The following MYO5B variants were observed in gnomAD, a reference collection of about 807,000 sequenced individuals.
The protein encoded by MYO5B is myosin VB.
Under a neutral mutation model 229.3 loss-of-function variants are expected in MYO5B, and 143 were observed. The ratio of observed to expected loss-of-function variants is 0.62; its 90% CI spans 0.54 to 0.72. MYO5B has a LOEUF of 0.72. Among genes scored for constraint, MYO5B ranks in the 30% least tolerant of loss-of-function variants. MYO5B has a pLI of 0.00. For missense variants in MYO5B, 2,321 were observed against 2,331.0 expected (o/e 1.00, Z 0.09); for synonymous variants, 918 against 885.2 (o/e 1.04, Z -0.66).
chr18:50,174,619 G>C (rs1369989594), intron 1 of MYO5B, among the ~76,000 whole-genome samples: 1 of 152,204 alleles, frequency 6.6e-6, no homozygotes, highest in African/African-American at 2.4e-5. Context: ...CTGCTGTTAA[G>C]AAGAGACTCC....
At chr18:50,124,385 T>C (rs987370567) in intron 1 of MYO5B, among the ~76,000 whole-genome samples, 1 of 152,220 alleles carries the variant, frequency 6.6e-6, no homozygotes, top group Non-Finnish European at 1.5e-5. Flanking sequence ...GTACACCTTT[T>C]CCCATGCACA....
intron 26 of MYO5B, among the ~76,000 whole-genome samples, chr18:49,872,451 A>T (rs1443485519): frequency 6.7e-6 from 1 of 150,124 alleles, no homozygotes; most frequent in Non-Finnish European, 1.5e-5. Flanking sequence ...CCCCACCCCC[A>T]CTTTCACTCA....
chr18:50,017,769 C>T (rs1447971711), intron 4 of MYO5B, among the ~76,000 whole-genome samples: 3 of 152,342 alleles, frequency 2.0e-5, no homozygotes, highest in East Asian at 1.9e-4. Flanking sequence ...TGAGACACAG[C>T]ATACTGTTCA....
At chr18:50,050,698 A>T (rs2666928) in intron 2 of MYO5B, among the ~76,000 whole-genome samples, 148,902 of 152,266 alleles carry the variant, frequency 0.98, 72,902 homozygotes, top group East Asian at 1. Flanking sequence ...TTGTCCTGTG[A>T]TTCTGAAATA....
intron 17 of MYO5B, among the ~76,000 whole-genome samples, chr18:49,916,506 G>T (rs566874613): frequency 6.6e-6 from 1 of 152,338 alleles, no homozygotes; most frequent in African/African-American, 2.4e-5. Flanking sequence ...GAGCTCCAAA[G>T]CTTCCAAAGA....
chr18:50,003,136 C>A (rs2026065938), intron 4 of MYO5B, among the ~76,000 whole-genome samples: 1 of 152,184 alleles, frequency 6.6e-6, no homozygotes, highest in South Asian at 2.1e-4. Flanking sequence ...ATGAAAAAAT[C>A]CTTCACTATG....
intron 1 of MYO5B, among the ~76,000 whole-genome samples, chr18:50,191,721 A>C (rs2144364861): frequency 6.6e-6 from 1 of 152,342 alleles, no homozygotes; most frequent in Middle Eastern, 3.4e-3. Context: ...CATATCATGG[A>C]AAAAAATTCA....
chr18:49,955,692 C>G (rs1252159421), intron 12 of MYO5B, among the ~76,000 whole-genome samples: 1 of 152,166 alleles, frequency 6.6e-6, no homozygotes, highest in African/African-American at 2.4e-5. Flanking sequence ...ATAGGAAATT[C>G]AAGAAAAGAA....
intron 1 of MYO5B, among the ~76,000 whole-genome samples, chr18:50,159,069 G>C (rs183569864): frequency 1.7e-3 from 261 of 152,218 alleles, no homozygotes; most frequent in Middle Eastern, 0.01. Context: ...GTTTAAACTC[G>C]TTATCCTGGG....
chr18:50,128,189 C>A (rs1568117692), intron 1 of MYO5B, among the ~76,000 whole-genome samples: 3 of 152,096 alleles, frequency 2.0e-5, no homozygotes, highest in Non-Finnish European at 2.9e-5. Context: ...TCCTAATACA[C>A]TACTATTGGT....
At chr18:49,931,876 A>C (rs765341025) in intron 16 of MYO5B, among the ~76,000 whole-genome samples, 1 of 152,108 alleles carries the variant, frequency 6.6e-6, no homozygotes, top group African/African-American at 2.4e-5. Flanking sequence ...CCACCTCCCC[A>C]GGCACTCTGC....
intron 4 of MYO5B, among the ~76,000 whole-genome samples, chr18:50,032,386 C>G (rs1343681779): frequency 2.6e-5 from 4 of 152,182 alleles, no homozygotes; most frequent in Non-Finnish European, 5.9e-5. Flanking sequence ...CAACCTCCAG[C>G]CCTAGGCAGC....
intron 1 of MYO5B, among the ~76,000 whole-genome samples, chr18:50,164,171 A>G (rs1435802476): frequency 6.6e-6 from 1 of 152,218 alleles, no homozygotes; most frequent in Non-Finnish European, 1.5e-5. Flanking sequence ...AACTTACATC[A>G]TCAGGAGACT....
chr18:49,938,634 C>G (rs183225732), intron 14 of MYO5B, among the ~76,000 whole-genome samples: 23 of 152,180 alleles, frequency 1.5e-4, no homozygotes, highest in African/African-American at 4.8e-4. Context: ...GCCATTGTGT[C>G]TGAAATCCCT....
rs762133298 is a variant in MYO5B at position 50,055,367 on chromosome 18, G to C, written c.39C>G (p.Val13=). 6.2e-7 allele frequency: 1 copy of C among 1,613,610 alleles called. No individual in the cohort carries two copies. The highest frequency in any genetic ancestry group is 1.1e-5 in the South Asian group (1 of 91,062). The change falls in exon 2 of 40, where the codon GTC becomes GTG. Residue 13 remains valine, a synonymous_variant. Coordinates refer to ENST00000285039, the MANE Select transcript of MYO5B (RefSeq NM_001080467.3). ...ATACCTCATCAGGGTCAGGGATCCA[G>C]ACCCTTGTGCACTGAAAGATTAAAA... The part of the protein sequence containing the change: ...VGELYSQCTR[V]WIPDPDEVWR...
chr18:50,112,294 C>T (rs1411222919), intron 1 of MYO5B, among the ~76,000 whole-genome samples: 2 of 152,208 alleles, frequency 1.3e-5, no homozygotes, highest in Non-Finnish European at 2.9e-5. Context: ...AACAAAGCAA[C>T]TGCATCACGG....
chr18:49,963,417 T>C (rs1265658072), intron 10 of MYO5B, among the ~76,000 whole-genome samples: 1 of 140,626 alleles, frequency 7.1e-6, no homozygotes, highest in Non-Finnish European at 1.6e-5. Context: ...AATTAATTAA[T>C]TTATTTATTT....
chr18:50,009,833 A>G (rs186132090), intron 4 of MYO5B, among the ~76,000 whole-genome samples: 4 of 152,222 alleles, frequency 2.6e-5, no homozygotes, highest in Non-Finnish European at 5.9e-5. Context: ...GCCAGGCCTG[A>G]AAGTGGGAAG....
At chr18:50,043,384 T>A (rs2030099479) in intron 2 of MYO5B, among the ~76,000 whole-genome samples, 4 of 90,966 alleles carry the variant, frequency 4.4e-5, no homozygotes, top group Non-Finnish European at 8.1e-5. Flanking sequence ...TATAATATAT[T>A]AAATATATTT....
Sources: allele counts gnomAD v4.1 joint callset (sites outside exome capture counted in the v4.1 genomes callset), GRCh38; gene constraint gnomAD v4.1.1; transcripts MANE v1.5; gene names NCBI Gene and HGNC (gene_info 2026-07-23, HGNC 2026-07-21).